SAMMSON: variants seen among roughly 807,000 people sequenced by gnomAD.
SAMMSON encodes long intergenic non-protein coding RNA 1212.
At chr3:70,037,509 G>C (rs1340642301) in intron 3 of SAMMSON, among the ~76,000 whole-genome samples, 1 of 152,158 alleles carries the variant, frequency 6.6e-6, no homozygotes, top group Non-Finnish European at 1.5e-5. Flanking sequence ...GCTGGGCCAA[G>C]AGATGGAGAG....
At chr3:70,134,954 T>A (rs546737895) in intron 4 of SAMMSON, among the ~76,000 whole-genome samples, 1 of 152,198 alleles carries the variant, frequency 6.6e-6, no homozygotes, top group Non-Finnish European at 1.5e-5. Flanking sequence ...CATTTTGCCA[T>A]AAAATGTAAC....
intron 4 of SAMMSON, among the ~76,000 whole-genome samples, chr3:70,242,671 A>G (rs1701674476): frequency 6.6e-6 from 1 of 152,204 alleles, no homozygotes; most frequent in African/African-American, 2.4e-5. Context: ...GGCATGAAAA[A>G]TGTGTATATC....
intron 4 of SAMMSON, among the ~76,000 whole-genome samples, chr3:70,136,392 G>A (rs1291865296): frequency 6.6e-6 from 1 of 152,206 alleles, no homozygotes; most frequent in African/African-American, 2.4e-5. Flanking sequence ...TGGATCTATG[G>A]AGGGGTTCAT....
At chr3:70,088,999 T>G (rs2067296243) in intron 4 of SAMMSON, among the ~76,000 whole-genome samples, 2 of 152,160 alleles carry the variant, frequency 1.3e-5, no homozygotes, top group South Asian at 2.1e-4. Flanking sequence ...AGCAAAATGA[T>G]GAGCAGACCA....
chr3:70,258,303 T>C (rs961669940), intron 6 of SAMMSON, among the ~76,000 whole-genome samples: 2 of 152,088 alleles, frequency 1.3e-5, no homozygotes, highest in African/African-American at 4.8e-5. Flanking sequence ...TCATCAAAAT[T>C]ATAAATCTTT....
chr3:70,340,688 T>C (rs1166196624), intron 7 of SAMMSON, among the ~76,000 whole-genome samples: 1 of 152,132 alleles, frequency 6.6e-6, no homozygotes, highest in African/African-American at 2.4e-5. Context: ...TCCATACCTG[T>C]TGTCACGATT....
intron 2 of SAMMSON, among the ~76,000 whole-genome samples, chr3:70,418,924 C>T (rs981147094): frequency 4.0e-5 from 2 of 50,174 alleles, no homozygotes; most frequent in African/African-American, 8.2e-5. Context: ...TGCTTTCTTT[C>T]CTTTCCTTTC....
At chr3:70,287,413 T>G (rs1211834877) in intron 6 of SAMMSON, among the ~76,000 whole-genome samples, 3 of 151,648 alleles carry the variant, frequency 2.0e-5, no homozygotes, top group African/African-American at 7.3e-5. Context: ...GAAGCCCACT[T>G]GATCATGGTG....
At chr3:70,098,030 A>C (rs1415370188) in intron 4 of SAMMSON, among the ~76,000 whole-genome samples, 1 of 152,210 alleles carries the variant, frequency 6.6e-6, no homozygotes, top group Non-Finnish European at 1.5e-5. Context: ...TCCTTGGGGA[A>C]CTTGATATTA....
chr3:70,369,710 A>T (rs1306974504), intron 9 of SAMMSON, among the ~76,000 whole-genome samples: 2 of 151,794 alleles, frequency 1.3e-5, no homozygotes, highest in Non-Finnish European at 3.0e-5. Context: ...GTACATACTT[A>T]TGGGGTACAT....
intron 4 of SAMMSON, among the ~76,000 whole-genome samples, chr3:70,157,273 G>C (rs2067595784): frequency 1.3e-5 from 2 of 152,020 alleles, no homozygotes; most frequent in African/African-American, 4.8e-5. Context: ...TGCCACTCTG[G>C]CTACGAGGAA....
intron 1 of SAMMSON, among the ~76,000 whole-genome samples, chr3:70,008,862 T>G (rs2066941500): frequency 1.3e-5 from 2 of 152,252 alleles, no homozygotes; most frequent in Admixed American, 1.3e-4. Context: ...TTGTTGAATT[T>G]TGTGAAAGGC....
At chr3:70,367,679 T>C (rs745368365) in intron 9 of SAMMSON, among the ~76,000 whole-genome samples, 6 of 151,612 alleles carry the variant, frequency 4.0e-5, no homozygotes, top group Non-Finnish European at 7.4e-5. Context: ...CAGTGATGTA[T>C]TAATCATCGG....
chr3:70,236,333 A>G (rs149730533), intron 4 of SAMMSON, among the ~76,000 whole-genome samples: 1 of 152,280 alleles, frequency 6.6e-6, no homozygotes, highest in Non-Finnish European at 1.5e-5. Flanking sequence ...CCCTTAATCC[A>G]TATTGTTCAC....
chr3:70,087,913 CAG>C (rs1213148066), intron 4 of SAMMSON, among the ~76,000 whole-genome samples: 5 of 152,080 alleles, frequency 3.3e-5, no homozygotes, highest in Non-Finnish European at 7.4e-5. Flanking sequence ...TTATTAAAGA[CAG>C]GGGCAAATAT....
intron 6 of SAMMSON, among the ~76,000 whole-genome samples, chr3:70,254,654 A>T (rs1379861496): frequency 6.6e-6 from 1 of 152,192 alleles, no homozygotes; most frequent in Non-Finnish European, 1.5e-5. Context: ...CTAGAAGTTT[A>T]CTATTTAAGT....
intron 2 of SAMMSON, among the ~76,000 whole-genome samples, chr3:70,403,390 T>C (rs1701155822): frequency 6.6e-6 from 1 of 152,096 alleles, no homozygotes; most frequent in African/African-American, 2.4e-5. Context: ...GGATGACAGG[T>C]GTACAAGAGA....
At chr3:70,216,734 G>A (rs890180462) in intron 4 of SAMMSON, among the ~76,000 whole-genome samples, 3 of 152,114 alleles carry the variant, frequency 2.0e-5, no homozygotes, top group African/African-American at 7.2e-5. Flanking sequence ...GGTGAGGCAG[G>A]CCTTCCCTTA....
chr3:70,198,529 A>T (rs1259068917), intron 4 of SAMMSON, among the ~76,000 whole-genome samples: 4 of 152,236 alleles, frequency 2.6e-5, no homozygotes, highest in African/African-American at 9.6e-5. Context: ...TAAAAACACT[A>T]TATAAAGTTA....
Sources: gnomAD v4.1 joint callset for allele counts (sites outside exome capture counted in the v4.1 genomes callset) on GRCh38, gnomAD v4.1.1 for gene constraint, MANE v1.5 for transcripts, NCBI Gene and HGNC (gene_info 2026-07-23, HGNC 2026-07-21) for gene names.